Variants in LY75 observed in about 807,000 individuals in gnomAD.
LY75 encodes lymphocyte antigen 75, also known as C-type lectin domain family 13 member B.
In LY75, 185 loss-of-function variants were observed where a neutral mutation model predicts 231.7. The observed-to-expected ratio is 0.80, with a 90% confidence interval of 0.71 to 0.90. The LOEUF (loss-of-function observed/expected upper bound fraction) is 0.90. Ranked by LOEUF, LY75 falls within the 40% of genes least tolerant of loss-of-function variation. LY75 has a pLI of 0.00. For synonymous variants in LY75, 668 were observed against 689.0 expected, an observed-to-expected ratio of 0.97 and a Z score of 0.48; for missense variants, 1,947 against 2,050.2, an observed-to-expected ratio of 0.95 and a Z score of 0.97.
intron 15 of LY75, 23 bp downstream of exon 15, chr2:159,860,798 A>T: frequency 6.2e-7 from 1 of 1,613,354 alleles, no homozygotes; most frequent in Non-Finnish European, 8.5e-7. Flanking sequence ...TTAAATATGC[A>T]GATTTTCCAG....
In LY75 at chr2:159,904,752, G is replaced by T. The variant is rs1001498000; in HGVS notation, c.-70C>A. ...GGCTCCCGCCCCGCCTGCTGAGCGC[G>T]GCCTGCCCCGCCCGCACCTCTGTCT... On this transcript the variant is annotated 5_prime_UTR_variant, in exon 1 of 35. Coordinates refer to ENST00000263636, the MANE Select transcript of LY75 (RefSeq NM_002349.4). 5.3e-6 allele frequency: 7 copies of T among 1,326,082 alleles called. No individual in the cohort carries two copies. The African/African-American group carries it at 9.3e-5, about 18-fold the overall frequency. 82.1% of individuals were successfully genotyped at this position (1,326,082 alleles called of 1,614,324 possible).
chr2:159,837,757 T>A (rs1402702466), intron 25 of LY75, among the ~76,000 whole-genome samples: 1 of 152,206 alleles, frequency 6.6e-6, no homozygotes, highest in African/African-American at 2.4e-5. Context: ...GAGTAGTGGA[T>A]ATTTTTATCT....
At chr2:159,849,637 C>A (rs1042349711) in intron 23 of LY75, among the ~76,000 whole-genome samples, 1 of 152,176 alleles carries the variant, frequency 6.6e-6, no homozygotes, top group Non-Finnish European at 1.5e-5. Context: ...CTTGCAACAG[C>A]TTTACTGAGC....
intron 3 of LY75, among the ~76,000 whole-genome samples, chr2:159,892,038 A>G (rs1560104388): frequency 6.6e-6 from 1 of 152,230 alleles, no homozygotes; most frequent in African/African-American, 2.4e-5. Context: ...CTAATTAGAT[A>G]TGTAATCCTC....
intron 28 of LY75, among the ~76,000 whole-genome samples, chr2:159,830,652 C>T (rs1683622597): frequency 1.4e-5 from 2 of 146,884 alleles, no homozygotes; most frequent in South Asian, 4.3e-4. Flanking sequence ...TGCAGTGGCA[C>T]CATCTTGGCT....
At chr2:159,876,877 C>T (rs1485990472) in intron 11 of LY75, among the ~76,000 whole-genome samples, 1 of 151,600 alleles carries the variant, frequency 6.6e-6, no homozygotes, top group Non-Finnish European at 1.5e-5. Context: ...GGCATGGTGG[C>T]AGGTGCCTGT....
chr2:159,814,715 G>GA (rs1314834417), intron 31 of LY75, among the ~76,000 whole-genome samples: 2 of 150,274 alleles, frequency 1.3e-5, no homozygotes, highest in Non-Finnish European at 3.0e-5. Context: ...GAAAGGAAAA[G>GA]AAAAGAAAAG....
chr2:159,854,529 G>T lies in LY75; in HGVS notation c.2426C>A (p.Ala809Asp). The T allele has an allele frequency of 6.2e-7, 1 of 1,612,214 alleles. No homozygotes were observed. The highest frequency in any genetic ancestry group is 8.5e-7 in the Non-Finnish European group (1 of 1,179,128). The change falls in exon 18 of 35, where the codon GCT (alanine) becomes GAT (aspartate). Residue 809 changes from alanine to aspartate, a missense_variant. By Grantham distance (126) the Ala-to-Asp change is moderately radical. Coordinates refer to ENST00000263636, the MANE Select transcript of LY75 (RefSeq NM_002349.4). ...TATAAGTGGAGGTCCATGAATTCCA[G>T]CACGGTCTAAAGAAGAAGAAGAAAA... ...KTPDWYNPDR[A>D]GIHGPPLIIE...
At chr2:159,824,298 A>C (rs530475473) in intron 28 of LY75, among the ~76,000 whole-genome samples, 8 of 152,220 alleles carry the variant, frequency 5.3e-5, no homozygotes, top group Non-Finnish European at 1.0e-4. Context: ...CAAAACAAAA[A>C]AAAAGCAGAA....
At chr2:159,865,056 G>C in intron 13 of LY75, 136 bp from the exon 14 acceptor site, 1 of 643,286 alleles carries the variant, frequency 1.6e-6, no homozygotes, top group Non-Finnish European at 2.3e-6. Flanking sequence ...ATGAAACTAA[G>C]CCCTTAATGT....
At position 159,853,404 on chromosome 2, in the gene LY75, T is replaced by C. The variant is rs764848235; in HGVS notation, c.2664-52A>G. 15 of 1,586,650 alleles carry C rather than the reference T, an allele frequency of 9.5e-6. No homozygotes were observed. In the Admixed American group the frequency reaches 1.6e-4, roughly 16 times the overall value. On this transcript the variant is annotated intron_variant, in intron 19 of 34. Coordinates refer to ENST00000263636, the MANE Select transcript of LY75 (RefSeq NM_002349.4). ...CTCGTAATGTAATTAGGTGTTCCAT[T>C]TTTTTCTTTTTACTGTAAGTTATTT...
chr2:159,813,480 G>T (rs1357439812), intron 31 of LY75, among the ~76,000 whole-genome samples: 1 of 152,168 alleles, frequency 6.6e-6, no homozygotes, highest in African/African-American at 2.4e-5. Flanking sequence ...CTGAATTGAA[G>T]AGGGTGTTAG....
At chr2:159,850,201 T>C in intron 22 of LY75, 61 bp from the exon 23 acceptor site, 1 of 1,534,338 alleles carries the variant, frequency 6.5e-7, no homozygotes, top group South Asian at 1.3e-5. Flanking sequence ...ACATTAAAAA[T>C]GTCAATGAAT....
At chr2:159,841,764 GT>G (rs1335441478) in intron 24 of LY75, among the ~76,000 whole-genome samples, 3 of 151,812 alleles carry the variant, frequency 2.0e-5, no homozygotes, top group African/African-American at 4.8e-5. Flanking sequence ...AAAATATGAA[GT>G]TTTTTTCTCC....
chr2:159,885,815 A>T (rs574668901), intron 5 of LY75, among the ~76,000 whole-genome samples: 2 of 152,290 alleles, frequency 1.3e-5, no homozygotes, highest in African/African-American at 4.8e-5. Context: ...AGGCAGCTTT[A>T]TACTGAAATT....
chr2:159,874,626 A>ATATTTT (rs1466868334), intron 12 of LY75, among the ~76,000 whole-genome samples: 4 of 15,814 alleles, frequency 2.5e-4, no homozygotes, highest in Non-Finnish European at 5.1e-4. Context: ...ATATATATAT[A>ATATTTT]GTAAATATAT....
At chr2:159,818,584 A>C (rs1683192736) in intron 29 of LY75, among the ~76,000 whole-genome samples, 1 of 152,194 alleles carries the variant, frequency 6.6e-6, no homozygotes, top group Admixed American at 6.5e-5. Context: ...AAAGTATGTT[A>C]AATAAAAACT....
intron 31 of LY75, among the ~76,000 whole-genome samples, chr2:159,814,924 AGT>A (rs969502468): frequency 2.6e-5 from 4 of 151,440 alleles, no homozygotes; most frequent in Admixed American, 2.6e-4. Context: ...AAATTCCCTG[AGT>A]GCTTATACTG....
intron 29 of LY75, among the ~76,000 whole-genome samples, chr2:159,818,801 T>TA (rs914931771): frequency 3.8e-5 from 5 of 132,336 alleles, no homozygotes; most frequent in Admixed American, 1.8e-4. Flanking sequence ...ATTAAAGATG[T>TA]AAAAAAAATA....
Sources: gnomAD v4.1 joint callset for allele counts (sites outside exome capture counted in the v4.1 genomes callset) on GRCh38, gnomAD v4.1.1 for gene constraint, MANE v1.5 for transcripts, NCBI Gene and HGNC (gene_info 2026-07-23, HGNC 2026-07-21) for gene names.